The following EPHA6 variants were observed in gnomAD, a reference collection of about 807,000 sequenced individuals.
EPHA6 encodes EPH receptor A6.
Under a neutral mutation model 112.0 loss-of-function variants are expected in EPHA6, and 50 were observed. The observed-to-expected ratio is 0.45, with a 90% CI of 0.36 to 0.56. The LOEUF (loss-of-function observed/expected upper bound fraction) is 0.56, where lower values mean the gene tolerates loss of function less well. EPHA6 is among the 20% of genes least tolerant of loss of function. The pLI, the probability that EPHA6 is intolerant of heterozygous loss-of-function variation, is 0.00. For missense variants in EPHA6, 1,280 were observed against 1,417.4 expected, an observed-to-expected ratio of 0.90 and a Z score of 1.56; for synonymous variants, 529 against 490.7, an observed-to-expected ratio of 1.08 and a Z score of -1.03.
At chr3:97,498,791 C>A (rs531750775) in intron 10 of EPHA6, among the ~76,000 whole-genome samples, 2 of 152,124 alleles carry the variant, frequency 1.3e-5, no homozygotes, top group Admixed American at 1.3e-4. Flanking sequence ...GTTGCGTGCT[C>A]CTTATGAGAA....
intron 11 of EPHA6, among the ~76,000 whole-genome samples, chr3:97,583,652 G>A (rs1350251686): frequency 6.6e-6 from 1 of 152,020 alleles, no homozygotes; most frequent in East Asian, 1.9e-4. Context: ...CAAATAAACA[G>A]AAAAATATTC....
Position 97,443,237 on chromosome 3 carries a change from G to A in EPHA6, c.1732-5331G>A, listed in dbSNP as rs2090200008. On this transcript the variant is annotated intron_variant, in intron 6 of 17. Transcript: ENST00000389672. The stretch of plus-strand genomic sequence containing the variant: ...AGAGAGAAAGGATGTAAATGACTTA[G>A]ATGACTTCTAGTGGAACCATTAATA... 4.6e-5 allele frequency among the ~76,000 whole-genome samples: 7 copies of A among 151,640 alleles called. No individual in the cohort carries two copies. The South Asian group carries it at 1.5e-3, about 32-fold the overall frequency.
At chr3:97,526,512 A>G (rs920268641) in intron 10 of EPHA6, among the ~76,000 whole-genome samples, 1 of 152,108 alleles carries the variant, frequency 6.6e-6, no homozygotes, top group African/African-American at 2.4e-5. Flanking sequence ...ATAGATCCCT[A>G]TGTGGTCAGG....
Position 97,715,070 on chromosome 3 carries a change from C to T in EPHA6, c.2785-5191C>T, listed in dbSNP as rs181145024. Reference sequence around the variant, plus strand: ...TACTTTCCCTCTTGCTTACCACTCACGATCACCACTGTAACCATGAATTAT... The same window carrying T: ...TACTTTCCCTCTTGCTTACCACTCATGATCACCACTGTAACCATGAATTAT... On this transcript the variant is annotated intron_variant, in intron 14 of 17. Coordinates refer to ENST00000389672, the MANE Select transcript of EPHA6 (RefSeq NM_001080448.3). Among the ~76,000 whole-genome samples the T allele has an allele frequency of 1.7e-3, 252 of 152,330 alleles. 2 individuals are homozygous for T. The highest frequency in any genetic ancestry group is 5.8e-3 in the African/African-American group (241 of 41,576).
chr3:97,334,344 T>G (rs1469515475), intron 5 of EPHA6, among the ~76,000 whole-genome samples: 2 of 152,034 alleles, frequency 1.3e-5, no homozygotes, highest in Non-Finnish European at 2.9e-5. Flanking sequence ...AAGAAGAGAT[T>G]TTCTGGAATA....
intron 3 of EPHA6, among the ~76,000 whole-genome samples, chr3:97,201,493 T>G (rs1352453543): frequency 6.6e-6 from 1 of 152,118 alleles, no homozygotes; most frequent in Non-Finnish European, 1.5e-5. Context: ...TGTAAGCAAT[T>G]TTTGCAGGTC....
At chr3:97,082,543 G>T (rs1157186534) in intron 3 of EPHA6, among the ~76,000 whole-genome samples, 4 of 151,672 alleles carry the variant, frequency 2.6e-5, no homozygotes, top group African/African-American at 9.7e-5. Context: ...GTGTTCTCTG[G>T]ATTTTGCCCT....
At chr3:97,457,059 C>T (rs985638599) in intron 7 of EPHA6, among the ~76,000 whole-genome samples, 3 of 152,060 alleles carry the variant, frequency 2.0e-5, no homozygotes, top group Non-Finnish European at 2.9e-5. Context: ...TGAAGAAAAC[C>T]TAATTTCTCA....
At chr3:97,324,134 A>G (rs1023598158) in intron 5 of EPHA6, among the ~76,000 whole-genome samples, 6 of 151,996 alleles carry the variant, frequency 3.9e-5, no homozygotes, top group African/African-American at 9.7e-5. Context: ...CACTTTTCCT[A>G]TGATTGCTTC....
chr3:97,186,562 G>T (rs2077144610), intron 3 of EPHA6, among the ~76,000 whole-genome samples: 1 of 151,988 alleles, frequency 6.6e-6, no homozygotes, highest in Admixed American at 6.6e-5. Flanking sequence ...GATTTACTGG[G>T]TGCCAAACGT....
At chr3:97,597,381 A>G (rs1443843282) in intron 12 of EPHA6, among the ~76,000 whole-genome samples, 1 of 152,164 alleles carries the variant, frequency 6.6e-6, no homozygotes, top group Non-Finnish European at 1.5e-5. Context: ...ATAACAGGAG[A>G]ATTATGAACA....
chr3:97,695,031 C>T (rs992634942), intron 14 of EPHA6, among the ~76,000 whole-genome samples: 1 of 152,104 alleles, frequency 6.6e-6, no homozygotes, highest in Non-Finnish European at 1.5e-5. Context: ...ATCAGCATGA[C>T]AGCTAGTGTA....
chr3:97,296,540 G>A (rs142838834), intron 5 of EPHA6, among the ~76,000 whole-genome samples: 11 of 152,302 alleles, frequency 7.2e-5, no homozygotes, highest in African/African-American at 2.6e-4. Context: ...ATCCTGCTGA[G>A]TGGGGGTGGG....
At chr3:97,606,551 A>C (rs2093681388) in intron 12 of EPHA6, among the ~76,000 whole-genome samples, 1 of 151,358 alleles carries the variant, frequency 6.6e-6, no homozygotes, top group Non-Finnish European at 1.5e-5. Context: ...TAACAGGAAA[A>C]GAAAGTTCAA....
intron 13 of EPHA6, among the ~76,000 whole-genome samples, chr3:97,635,986 C>A (rs1325510491): frequency 2.0e-5 from 3 of 147,168 alleles, no homozygotes; most frequent in Admixed American, 6.8e-5. Flanking sequence ...ATTAAAATTG[C>A]AAAAAAAAAC....
At chr3:97,728,579 A>T (rs8180055) in intron 15 of EPHA6, among the ~76,000 whole-genome samples, 149,343 of 152,206 alleles carry the variant, frequency 0.98, 73,289 homozygotes, top group East Asian at 0.99. Context: ...TTACAGAAAC[A>T]CCAGATCTAG....
chr3:97,472,171 A>G (rs559192593), intron 7 of EPHA6, among the ~76,000 whole-genome samples: 101 of 151,812 alleles, frequency 6.7e-4, no homozygotes, highest in Non-Finnish European at 1.2e-3. Context: ...AAAGGCTGTC[A>G]CCATTCACCC....
chr3:97,468,670 G>T (rs1378451897), intron 7 of EPHA6, among the ~76,000 whole-genome samples: 1 of 151,574 alleles, frequency 6.6e-6, no homozygotes, highest in African/African-American at 2.4e-5. Context: ...ATACAAATAT[G>T]TAAGGGAATG....
At chr3:97,402,650 T>G (rs1559961637) in intron 5 of EPHA6, among the ~76,000 whole-genome samples, 1 of 152,138 alleles carries the variant, frequency 6.6e-6, no homozygotes, top group Non-Finnish European at 1.5e-5. Context: ...ATCTGAGTGC[T>G]TTTTCTTATA....
Sources: allele counts gnomAD v4.1 joint callset (sites outside exome capture counted in the v4.1 genomes callset), GRCh38; gene constraint gnomAD v4.1.1; transcripts MANE v1.5; gene names NCBI Gene and HGNC (gene_info 2026-07-23, HGNC 2026-07-21).